The following WDR41 variants were observed in gnomAD, a reference collection of about 807,000 sequenced individuals.
WDR41 encodes the protein WD repeat domain 41.
In WDR41, 63 loss-of-function variants were observed where a neutral mutation model predicts 69.3. The observed-to-expected ratio is 0.91, with a 90% confidence interval of 0.74 to 1.12. The LOEUF is 1.12. Ranked by LOEUF, WDR41 falls within the 50% of genes most tolerant of loss-of-function variation. The probability of loss-of-function intolerance (pLI) is 0.00; values close to 1 mark genes in which losing one functional copy is unlikely to be tolerated. For missense variants in WDR41, 543 were observed against 534.5 expected (o/e 1.02, Z -0.16); for synonymous variants, 185 against 192.1 (o/e 0.96, Z 0.31).
chr5:77,486,920 T>C (rs900140098), intron 2 of WDR41, among the ~76,000 whole-genome samples: 5 of 152,214 alleles, frequency 3.3e-5, no homozygotes, highest in Admixed American at 3.3e-4. Flanking sequence ...TACCCACATA[T>C]GGCTTTTTAC....
intron 1 of WDR41, among the ~76,000 whole-genome samples, chr5:77,508,004 C>A (rs894940161): frequency 1.3e-5 from 2 of 152,156 alleles, no homozygotes; most frequent in Non-Finnish European, 2.9e-5. Context: ...TATACTGATT[C>A]TTTCAGCCAG....
intron 1 of WDR41, among the ~76,000 whole-genome samples, chr5:77,610,376 A>G (rs1296851425): frequency 2.6e-5 from 4 of 152,224 alleles, no homozygotes; most frequent in Non-Finnish European, 5.9e-5. Context: ...ACTTGAAATG[A>G]AGGAAAAAAT....
In WDR41 at chr5:77,440,947, CAT is replaced by C; in HGVS notation, c.746_747del (p.Asp249GlyfsTer10). 1 of 1,614,104 alleles carries C rather than the reference CAT, an allele frequency of 6.2e-7. No homozygotes were observed. The highest frequency in any genetic ancestry group is 8.5e-7 in the Non-Finnish European group (1 of 1,180,012). Reference sequence around the variant, plus strand: ...TAGGCCTGCATGGTCCAGTCCAGGGCATCCCAGATGATCAGCTCTCCGACGTG... The same window carrying C: ...TAGGCCTGCATGGTCCAGTCCAGGGCCCCAGATGATCAGCTCTCCGACGTG... ...GSHVGELIIW[D>X]ALDWTMQAYE... On this transcript the variant is annotated frameshift_variant, in exon 9 of 13. Transcript: ENST00000296679. LOFTEE classifies it high-confidence loss of function.
At chr5:77,533,825 C>T (rs78604403) in intron 1 of WDR41, among the ~76,000 whole-genome samples, 1,721 of 152,134 alleles carry the variant, frequency 0.011, 35 homozygotes, top group African/African-American at 0.039. Context: ...TTTATTTTTC[C>T]GGGCTCCCTT....
intron 1 of WDR41, among the ~76,000 whole-genome samples, chr5:77,548,877 C>G (rs1476124941): frequency 2.6e-5 from 4 of 152,046 alleles, no homozygotes; most frequent in African/African-American, 9.7e-5. Flanking sequence ...TGGAACCAAC[C>G]CAAATGCCCA....
chr5:77,573,680 T>C (rs1743773559), intron 1 of WDR41, among the ~76,000 whole-genome samples: 1 of 152,062 alleles, frequency 6.6e-6, no homozygotes. Context: ...CCCAGATTTA[T>C]AGAAAGGGGG....
chr5:77,552,859 T>C (rs10473992), intron 1 of WDR41, among the ~76,000 whole-genome samples: 94,286 of 152,104 alleles, frequency 0.62, 31,113 homozygotes, highest in African/African-American at 0.85. Context: ...AAACCCTAGA[T>C]CTAAATTTCA....
chr5:77,497,081 T>C (rs1801945815), upstream of WDR41, among the ~76,000 whole-genome samples: 1 of 152,154 alleles, frequency 6.6e-6, no homozygotes, highest in African/African-American at 2.4e-5. Flanking sequence ...TCTTATACCA[T>C]ACACAAATGT....
intron 2 of WDR41, among the ~76,000 whole-genome samples, chr5:77,474,794 A>C (rs1004765847): frequency 6.6e-6 from 1 of 152,168 alleles, no homozygotes; most frequent in Non-Finnish European, 1.5e-5. Flanking sequence ...ACACATCAAG[A>C]TTACAGTAGG....
intron 5 of WDR41, among the ~76,000 whole-genome samples, chr5:77,456,902 C>A (rs1246060253): frequency 1.3e-5 from 2 of 151,942 alleles, no homozygotes; most frequent in Non-Finnish European, 2.9e-5. Flanking sequence ...AGAAGTTTCA[C>A]CATGTTGCTC....
intron 7 of WDR41, among the ~76,000 whole-genome samples, chr5:77,450,569 C>G (rs1467075982): frequency 2.0e-5 from 3 of 152,134 alleles, no homozygotes; most frequent in Non-Finnish European, 4.4e-5. Context: ...ATTTACTAAA[C>G]ATTTATGTTC....
At chr5:77,579,840 A>T (rs1426575952) in intron 1 of WDR41, among the ~76,000 whole-genome samples, 1 of 150,900 alleles carries the variant, frequency 6.6e-6, no homozygotes, top group Admixed American at 6.7e-5. Flanking sequence ...AGATGTATGT[A>T]ATGTGTTGTT....
intron 11 of WDR41, 52 bp downstream of exon 11, chr5:77,437,284 A>G (rs1798975299): frequency 1.4e-6 from 2 of 1,457,950 alleles, no homozygotes; most frequent in East Asian, 2.3e-5. Flanking sequence ...CCTGCCTTTC[A>G]CGTGAGAAAA....
intron 1 of WDR41, among the ~76,000 whole-genome samples, chr5:77,510,745 GT>G (rs1802184558): frequency 6.7e-6 from 1 of 148,658 alleles, no homozygotes; most frequent in South Asian, 2.2e-4. Flanking sequence ...TTGAATCTAG[GT>G]TTTTCTGACT....
At chr5:77,534,364 A>G (rs375589571) in intron 1 of WDR41, among the ~76,000 whole-genome samples, 3 of 152,296 alleles carry the variant, frequency 2.0e-5, no homozygotes, top group South Asian at 2.1e-4. Context: ...TATATGGACA[A>G]AAAAATGAGA....
intron 2 of WDR41, among the ~76,000 whole-genome samples, chr5:77,476,003 G>T (rs1221445851): frequency 1.3e-5 from 2 of 152,100 alleles, no homozygotes; most frequent in Non-Finnish European, 2.9e-5. Context: ...GAAAACCAAG[G>T]CTCCAGAACT....
intron 2 of WDR41, among the ~76,000 whole-genome samples, chr5:77,466,661 C>A (rs1387160486): frequency 6.6e-6 from 1 of 151,808 alleles, no homozygotes; most frequent in Non-Finnish European, 1.5e-5. Flanking sequence ...AACTTTAATT[C>A]AATCAGTAGG....
In WDR41 at chr5:77,437,411, A is replaced by T. The variant is rs1172385783; in HGVS notation, c.1018T>A (p.Cys340Ser). The change falls in exon 11 of 13, where the codon TGC becomes AGC. Residue 340 changes from cysteine to serine, a missense_variant. Cys to Ser is a moderately radical substitution (Grantham distance 112). Transcript: ENST00000296679. ...ATGCGTACACTGCCATCTTCTGAGC[A>T]TGAGATTAACTGCCTGTCAGAACAG... is the stretch of plus-strand genomic sequence containing the variant. The part of the protein sequence containing the change: ...ARLPNRQLIS[C>S]SEDGSVRIWE... 1.2e-6 allele frequency: 2 copies of T among 1,613,772 alleles called. No homozygotes were observed. Among genetic ancestry groups the T allele is most frequent in the Admixed American group, 3.3e-5 (2 of 60,006 alleles).
intron 2 of WDR41, among the ~76,000 whole-genome samples, chr5:77,488,736 T>A (rs1032782714): frequency 6.6e-6 from 1 of 152,154 alleles, no homozygotes; most frequent in African/African-American, 2.4e-5. Context: ...CTGTACTAGG[T>A]ACTAAGAAAA....
Sources: gnomAD v4.1 joint callset for allele counts (sites outside exome capture counted in the v4.1 genomes callset) on GRCh38, gnomAD v4.1.1 for gene constraint, MANE v1.5 for transcripts, NCBI Gene and HGNC (gene_info 2026-07-23, HGNC 2026-07-21) for gene names.